Variants in PAM observed in about 807,000 individuals in gnomAD.
PAM encodes peptidylglycine alpha-amidating monooxygenase.
In PAM, 72 loss-of-function variants were observed where a neutral mutation model predicts 122.1. The ratio of observed to expected loss-of-function variants is 0.59; its 90% CI spans 0.49 to 0.72. The LOEUF is 0.72. Ranked by LOEUF, PAM falls within the 30% of genes least tolerant of loss-of-function variation. The probability of loss-of-function intolerance (pLI) is 0.00; values close to 1 mark genes in which losing one functional copy is unlikely to be tolerated. For synonymous variants in PAM, 389 were observed against 404.4 expected (o/e 0.96, Z 0.46); for missense variants, 1,106 against 1,183.7 (o/e 0.93, Z 0.96).
At chr5:103,029,930 A>T (rs1786017039), downstream of PAM, 1 of 152,190 alleles carries the variant, frequency 6.6e-6, no homozygotes, top group South Asian at 2.1e-4. Context: ...GCTCTTCTAA[A>T]ATCCAAAGAG....
At chr5:103,016,279 C>T (rs1002132386) in intron 21 of PAM, among the ~76,000 whole-genome samples, 10 of 152,310 alleles carry the variant, frequency 6.6e-5, no homozygotes, top group Non-Finnish European at 1.5e-4. Flanking sequence ...TTCTTCTGCC[C>T]CGCCTAAACT....
At chr5:102,903,733 G>C (rs983728038) in intron 4 of PAM, among the ~76,000 whole-genome samples, 2 of 151,518 alleles carry the variant, frequency 1.3e-5, no homozygotes, top group Non-Finnish European at 3.0e-5. Flanking sequence ...CTTTTTACTA[G>C]CTATGTATTA....
At chr5:102,780,759 CTTTCTTTCTTTCTTTCTTTCTT>C (rs1561427028) in intron 1 of PAM, among the ~76,000 whole-genome samples, 2 of 27,150 alleles carry the variant, frequency 7.4e-5, no homozygotes, top group African/African-American at 3.0e-4. Flanking sequence ...CTTTCTCTTT[CTTTCTTTCTTTCTTTCTTTCTT>C]TCTTTCTTTC....
chr5:102,817,222 C>T (rs2150271332), intron 1 of PAM, among the ~76,000 whole-genome samples: 1 of 152,024 alleles, frequency 6.6e-6, no homozygotes, highest in Middle Eastern at 3.4e-3. Flanking sequence ...TAACTAATCC[C>T]TTGTAGTTGA....
intron 14 of PAM, among the ~76,000 whole-genome samples, chr5:102,964,384 T>A (rs547360228): frequency 3.6e-4 from 54 of 151,912 alleles, no homozygotes; most frequent in Non-Finnish European, 6.0e-4. Flanking sequence ...CTACATCTGC[T>A]CTCTGTAGAA....
chr5:102,807,708 G>A (rs1029575868), intron 1 of PAM, among the ~76,000 whole-genome samples: 2 of 152,162 alleles, frequency 1.3e-5, no homozygotes, highest in African/African-American at 2.4e-5. Context: ...AGGAAATGAA[G>A]TATTCACCGT....
chr5:102,974,581 C>T (rs951442301), intron 15 of PAM, 145 bp downstream of exon 15: 1 of 573,378 alleles, frequency 1.7e-6, no homozygotes, highest in African/African-American at 1.9e-5. Context: ...CAGATTTGGG[C>T]TATCAGATAA....
intron 16 of PAM, among the ~76,000 whole-genome samples, chr5:102,993,485 T>G (rs1460786837): frequency 6.6e-6 from 1 of 152,166 alleles, no homozygotes; most frequent in East Asian, 1.9e-4. Flanking sequence ...TGCCCCTAAC[T>G]TATAGATGTT....
chr5:102,886,946 C>G (rs1793302296), intron 3 of PAM, among the ~76,000 whole-genome samples: 1 of 152,018 alleles, frequency 6.6e-6, no homozygotes, highest in Non-Finnish European at 1.5e-5. Flanking sequence ...TTCTTCAATA[C>G]AGGTAGGAAA....
intron 3 of PAM, among the ~76,000 whole-genome samples, chr5:102,882,110 T>C (rs181621335): frequency 0.25 from 25,466 of 103,710 alleles, 4,156 homozygotes; most frequent in Middle Eastern, 0.39. Context: ...TATATATATA[T>C]ACACCACATT....
intron 1 of PAM, among the ~76,000 whole-genome samples, chr5:102,806,695 T>C (rs536756460): frequency 6.6e-6 from 1 of 152,298 alleles, no homozygotes; most frequent in East Asian, 1.9e-4. Context: ...ATAGGAGTAA[T>C]TCCATTTTGT....
chr5:102,786,154 A>T (rs978796615), intron 1 of PAM, among the ~76,000 whole-genome samples: 3 of 152,228 alleles, frequency 2.0e-5, no homozygotes, highest in Non-Finnish European at 4.4e-5. Flanking sequence ...ACAAGCAAGA[A>T]TACATTTCAC....
chr5:102,854,389 T>C (rs1437900108), intron 1 of PAM, among the ~76,000 whole-genome samples: 2 of 152,194 alleles, frequency 1.3e-5, no homozygotes, highest in African/African-American at 4.8e-5. Context: ...TTGGTTTAAA[T>C]TGGCAAATGC....
chr5:102,765,228 AT>A (rs1390858968), intron 1 of PAM, among the ~76,000 whole-genome samples: 2 of 152,180 alleles, frequency 1.3e-5, no homozygotes, highest in East Asian at 3.8e-4. Flanking sequence ...CCTAGAAAAG[AT>A]TTGGCACCAG....
chr5:102,757,098 C>T (rs192384054), intron 1 of PAM, among the ~76,000 whole-genome samples: 7 of 152,234 alleles, frequency 4.6e-5, no homozygotes, highest in African/African-American at 1.7e-4. Context: ...GAGGCCGAGG[C>T]GGGCAAATCA....
chr5:103,019,367 A>G (rs1396054148), intron 22 of PAM, among the ~76,000 whole-genome samples: 1 of 152,198 alleles, frequency 6.6e-6, no homozygotes, highest in Non-Finnish European at 1.5e-5. Context: ...TAAGACTGCC[A>G]CTGAACACTA....
intron 3 of PAM, among the ~76,000 whole-genome samples, chr5:102,895,723 T>C (rs536053339): frequency 6.6e-6 from 1 of 151,836 alleles, no homozygotes; most frequent in Non-Finnish European, 1.5e-5. Context: ...ATTGTCTCAG[T>C]ATCAAATATA....
At chr5:102,909,300 T>C (rs1424381194) in intron 4 of PAM, among the ~76,000 whole-genome samples, 1 of 151,838 alleles carries the variant, frequency 6.6e-6, no homozygotes, top group Non-Finnish European at 1.5e-5. Flanking sequence ...ACTCACATGA[T>C]ATAATACAGA....
intron 1 of PAM, among the ~76,000 whole-genome samples, chr5:102,780,988 G>A (rs568313269): frequency 2.6e-4 from 40 of 151,848 alleles, no homozygotes; most frequent in African/African-American, 8.5e-4. Flanking sequence ...TCCTCAAGTT[G>A]TGATAACCAA....
Sources: gnomAD v4.1 joint callset for allele counts (sites outside exome capture counted in the v4.1 genomes callset) on GRCh38, gnomAD v4.1.1 for gene constraint, MANE v1.5 for transcripts, NCBI Gene and HGNC (gene_info 2026-07-23, HGNC 2026-07-21) for gene names.